The following KLHL2 variants were observed in gnomAD, a reference collection of about 807,000 sequenced individuals.
The protein encoded by KLHL2 is kelch-like protein 2.
Under a neutral mutation model 75.8 loss-of-function variants are expected in KLHL2, and 15 were observed. The observed-to-expected ratio is 0.20, with a 90% CI of 0.13 to 0.30. The LOEUF is 0.30. KLHL2 is among the 10% of genes least tolerant of loss of function. KLHL2 has a pLI of 1.00. For missense variants in KLHL2, 381 were observed against 741.0 expected (o/e 0.51, Z 5.64); for synonymous variants, 214 against 251.9 (o/e 0.85, Z 1.42).
intron 13 of KLHL2, among the ~76,000 whole-genome samples, chr4:165,317,362 A>G (rs903344432): frequency 7.0e-6 from 1 of 143,064 alleles, no homozygotes; most frequent in East Asian, 2.0e-4. Context: ...TATAGAAAGA[A>G]TTCTTTTTTT....
At chr4:165,311,733 C>A (rs1165039278) in intron 11 of KLHL2, among the ~76,000 whole-genome samples, 168 bp downstream of exon 11, 1 of 150,522 alleles carries the variant, frequency 6.6e-6, no homozygotes, top group African/African-American at 2.4e-5. Context: ...AAATTAGCTT[C>A]TCTATATAAA....
intron 13 of KLHL2, among the ~76,000 whole-genome samples, chr4:165,314,955 T>C (rs1746483010): frequency 6.6e-6 from 1 of 152,132 alleles, no homozygotes; most frequent in Non-Finnish European, 1.5e-5. Flanking sequence ...TCTTAGTTTC[T>C]CTTTAAAGAA....
At chr4:165,241,722 G>A (rs1185232774) in intron 4 of KLHL2, among the ~76,000 whole-genome samples, 1 of 152,188 alleles carries the variant, frequency 6.6e-6, no homozygotes, top group Non-Finnish European at 1.5e-5. Flanking sequence ...GTCAGTTGGC[G>A]ACAGAACAGG....
At chr4:165,283,128 A>C (rs1560802617) in intron 5 of KLHL2, among the ~76,000 whole-genome samples, 1 of 152,170 alleles carries the variant, frequency 6.6e-6, no homozygotes, top group Admixed American at 6.5e-5. Flanking sequence ...CCCACAACAC[A>C]TGGGAATTAT....
In KLHL2 at chr4:165,297,537, T is replaced by G; in HGVS notation, c.655-72T>G. 6 of 852,790 alleles carry G rather than the reference T, an allele frequency of 7.0e-6. No homozygotes were observed. In the South Asian group the frequency reaches 8.1e-5, roughly 11 times the overall value. 52.8% of individuals were successfully genotyped at this position (852,790 alleles called of 1,614,324 possible). ...AGCAAGAGTTATATATAAAATGTAG[T>G]CTCATATTTTATCCAGATGCCTTGA... is the stretch of plus-strand genomic sequence containing the variant. On this transcript the variant is annotated intron_variant, in intron 6 of 14. Transcript: ENST00000226725.
At chr4:165,311,019 TA>T (rs1746135928) in intron 10 of KLHL2, among the ~76,000 whole-genome samples, 1 of 151,958 alleles carries the variant, frequency 6.6e-6, no homozygotes, top group Admixed American at 6.6e-5. Context: ...CACGCCCGGC[TA>T]ATTTTTTTTG....
chr4:165,227,469 T>G (rs1560985136), intron 2 of KLHL2, among the ~76,000 whole-genome samples: 1 of 152,194 alleles, frequency 6.6e-6, no homozygotes, highest in Non-Finnish European at 1.5e-5. Flanking sequence ...ATGGGAAATG[T>G]TGCTTGTAAG....
At chr4:165,248,818 G>A (rs1229402710) in intron 4 of KLHL2, among the ~76,000 whole-genome samples, 2 of 152,188 alleles carry the variant, frequency 1.3e-5, no homozygotes, top group African/African-American at 2.4e-5. Flanking sequence ...AAAAGAATTC[G>A]AAAATTCAGC....
In KLHL2 at chr4:165,322,125, G is replaced by T; in HGVS notation, c.*65G>T. 18 of 1,426,210 alleles carry T rather than the reference G, an allele frequency of 1.3e-5. 1 individual carries two copies. The South Asian group carries it at 2.0e-4, about 15-fold the overall frequency. The allele number at this position is 1,426,210 out of a possible 1,614,324, so 88.3% of individuals were successfully genotyped here. On this transcript the variant is annotated 3_prime_UTR_variant, in exon 15 of 15. Transcript: ENST00000226725. ...AGCCTTCAACAAGTATTTGTGAAGT[G>T]ACTGAGAATCTAGCACTTCTCCACT... is the stretch of plus-strand genomic sequence containing the variant.
chr4:165,256,187 T>C (rs1057062278), intron 4 of KLHL2, among the ~76,000 whole-genome samples: 2 of 152,264 alleles, frequency 1.3e-5, no homozygotes, highest in African/African-American at 4.8e-5. Flanking sequence ...TGCTCTACAG[T>C]GTCTTCTCTG....
chr4:165,226,755 A>G (rs1738470740), intron 2 of KLHL2, among the ~76,000 whole-genome samples: 1 of 152,052 alleles, frequency 6.6e-6, no homozygotes, highest in Non-Finnish European at 1.5e-5. Flanking sequence ...TTTATTTATT[A>G]TTTCTCTTTC....
intron 4 of KLHL2, among the ~76,000 whole-genome samples, chr4:165,259,898 C>T (rs1028897063): frequency 6.6e-5 from 10 of 151,972 alleles, no homozygotes; most frequent in Admixed American, 5.2e-4. Flanking sequence ...TTCTTCATCA[C>T]ACAAATTAGA....
intron 5 of KLHL2, among the ~76,000 whole-genome samples, chr4:165,291,193 T>C (rs1405422307): frequency 2.0e-5 from 3 of 152,228 alleles, no homozygotes; most frequent in Admixed American, 2.0e-4. Context: ...TATTTTCTTC[T>C]TGACCTTTAA....
Position 165,321,671 on chromosome 4 carries a change from A to G in KLHL2, c.1754-361A>G, listed in dbSNP as rs897676826. Among the ~76,000 whole-genome samples, 12 of 152,312 alleles carry G rather than the reference A, an allele frequency of 7.9e-5. No individual in the cohort carries two copies. In the South Asian group the frequency reaches 2.5e-3, roughly 32 times the overall value. ...CTGTATATTTAAACTATATAATTTT[A>G]TTACTTTTGACAGAGTATATACCCA... On this transcript the variant is annotated intron_variant, in intron 14 of 14. Coordinates refer to ENST00000226725, the MANE Select transcript of KLHL2 (RefSeq NM_007246.4).
chr4:165,210,235 T>C (rs1484391545), intron 1 of KLHL2: 2 of 1,451,616 alleles, frequency 1.4e-6, no homozygotes, highest in East Asian at 4.9e-5. Flanking sequence ...TGCCTGTCTC[T>C]GCCTGGCACT....
At chr4:165,256,763 A>G (rs1006604440) in intron 4 of KLHL2, among the ~76,000 whole-genome samples, 25 of 152,260 alleles carry the variant, frequency 1.6e-4, no homozygotes, top group Non-Finnish European at 2.6e-4. Flanking sequence ...GTAAAAATAA[A>G]TAGGAAATGT....
chr4:165,232,937 C>T (rs188847539), intron 3 of KLHL2, among the ~76,000 whole-genome samples: 220 of 130,476 alleles, frequency 1.7e-3, no homozygotes, highest in Non-Finnish European at 2.7e-3. Context: ...ACAAGTAGAC[C>T]ATTGGATGCT....
intron 3 of KLHL2, among the ~76,000 whole-genome samples, chr4:165,231,784 G>A (rs1738914835): frequency 1.3e-5 from 2 of 152,138 alleles, no homozygotes; most frequent in Non-Finnish European, 2.9e-5. Flanking sequence ...ATCTAGGAGT[G>A]TAATTGCCGG....
intron 14 of KLHL2, among the ~76,000 whole-genome samples, chr4:165,320,769 C>T (rs1472697641): frequency 6.6e-6 from 1 of 152,158 alleles, no homozygotes; most frequent in Non-Finnish European, 1.5e-5. Context: ...TATGACTTCA[C>T]AGGAGTTATG....
Sources: allele counts gnomAD v4.1 joint callset (sites outside exome capture counted in the v4.1 genomes callset), GRCh38; gene constraint gnomAD v4.1.1; transcripts MANE v1.5; gene names NCBI Gene and HGNC (gene_info 2026-07-23, HGNC 2026-07-21).